DAB1: variants seen among roughly 807,000 people sequenced by gnomAD.
DAB1 encodes disabled homolog 1.
In DAB1, 15 loss-of-function variants were observed where a neutral mutation model predicts 64.6. The observed-to-expected ratio is 0.23, with a 90% CI of 0.16 to 0.36. The LOEUF (loss-of-function observed/expected upper bound fraction) is 0.36, where lower values mean the gene tolerates loss of function less well. Among genes scored for constraint, DAB1 ranks in the 10% least tolerant of loss-of-function variants. DAB1 has a pLI of 1.00. For missense variants in DAB1, 596 were observed against 706.7 expected, an observed-to-expected ratio of 0.84 and a Z score of 1.78; for synonymous variants, 235 against 251.9, an observed-to-expected ratio of 0.93 and a Z score of 0.64.
At chr1:58,370,208 G>C (rs912241879) in intron 3 of DAB1, among the ~76,000 whole-genome samples, 2 of 152,178 alleles carry the variant, frequency 1.3e-5, no homozygotes, top group South Asian at 2.1e-4. Context: ...TAAAAGAATA[G>C]TGTACTGAAT....
chr1:57,509,771 CT>C (rs1644386504), intron 7 of DAB1, among the ~76,000 whole-genome samples: 1 of 152,160 alleles, frequency 6.6e-6, no homozygotes, highest in Non-Finnish European at 1.5e-5. Context: ...TGCTCCCTTG[CT>C]AAGGACTTCA....
chr1:57,267,973 A>C (rs573723679), intron 2 of DAB1, among the ~76,000 whole-genome samples: 38 of 152,320 alleles, frequency 2.5e-4, no homozygotes, highest in African/African-American at 8.7e-4. Context: ...GGGTTTATTA[A>C]ATCATTTATA....
intron 6 of DAB1, among the ~76,000 whole-genome samples, chr1:57,711,732 G>A (rs1647031911): frequency 6.6e-6 from 1 of 152,194 alleles, no homozygotes; most frequent in African/African-American, 2.4e-5. Flanking sequence ...GATGAGTTCA[G>A]TTAAACAGCT....
At chr1:57,414,923 T>C (rs1411230359) in intron 1 of DAB1, among the ~76,000 whole-genome samples, 1 of 152,156 alleles carries the variant, frequency 6.6e-6, no homozygotes, top group Admixed American at 6.5e-5. Context: ...GTCCTAATGA[T>C]GGCATTATCT....
rs141473632 is a variant in DAB1 at position 58,436,675 on chromosome 1, G to C, written n.257+69385C>G. 1.5e-3 allele frequency among the ~76,000 whole-genome samples: 222 copies of C among 152,308 alleles called. 2 individuals are homozygous for C. Among genetic ancestry groups the C allele is most frequent in the African/African-American group, 5.0e-3 (208 of 41,572 alleles). On this transcript the variant is annotated intron_variant and non_coding_transcript_variant, in intron 3 of 20. Transcript: ENST00000485760. Reference sequence around the variant, plus strand: ...CTCAAAAAAGTAGAAATACTAGGAAGATAAGAAAGAAAATAAACAATTAAG... The same window carrying C: ...CTCAAAAAAGTAGAAATACTAGGAACATAAGAAAGAAAATAAACAATTAAG...
At chr1:58,310,397 G>A (rs1662399016) in intron 4 of DAB1, among the ~76,000 whole-genome samples, 1 of 152,156 alleles carries the variant, frequency 6.6e-6, no homozygotes, top group African/African-American at 2.4e-5. Flanking sequence ...AACATTTGTG[G>A]TCCGCAGAGA....
At chr1:57,668,573 T>C (rs1399362017) in intron 6 of DAB1, among the ~76,000 whole-genome samples, 1 of 152,132 alleles carries the variant, frequency 6.6e-6, no homozygotes, top group Non-Finnish European at 1.5e-5. Context: ...GCAGGAAATA[T>C]GGTGGCCAAA....
chr1:57,543,163 A>G (rs1253334176), intron 7 of DAB1, among the ~76,000 whole-genome samples: 2 of 152,210 alleles, frequency 1.3e-5, no homozygotes, highest in Non-Finnish European at 2.9e-5. Flanking sequence ...CGTGTGAAAT[A>G]ATAAAGGATT....
chr1:57,201,818 A>G (rs961547605), intron 2 of DAB1, among the ~76,000 whole-genome samples: 8 of 152,204 alleles, frequency 5.3e-5, no homozygotes, highest in African/African-American at 1.9e-4. Context: ...AGAGCCTAGC[A>G]CAGAGCCTGA....
At chr1:58,114,869 G>A (rs1020381644) in intron 5 of DAB1, among the ~76,000 whole-genome samples, 3 of 152,148 alleles carry the variant, frequency 2.0e-5, no homozygotes, top group Non-Finnish European at 4.4e-5. Context: ...ACTGTGATTG[G>A]ATTATGTCTG....
At chr1:57,769,917 C>T (rs1649483961) in intron 6 of DAB1, among the ~76,000 whole-genome samples, 1 of 152,080 alleles carries the variant, frequency 6.6e-6, no homozygotes, top group Admixed American at 6.6e-5. Flanking sequence ...ATAGCCCTTC[C>T]TCCTGTATAC....
chr1:57,445,841 T>C, intron 7 of DAB1, among the ~76,000 whole-genome samples: 1 of 152,240 alleles, frequency 6.6e-6, no homozygotes. Context: ...GACTTAGGGA[T>C]AACTCCACTT....
intron 1 of DAB1, among the ~76,000 whole-genome samples, chr1:57,412,741 T>C (rs574314809): frequency 1.3e-5 from 2 of 152,260 alleles, no homozygotes; most frequent in South Asian, 2.1e-4. Context: ...TAGAAGACCT[T>C]GGTTCATGAA....
chr1:57,399,188 C>G (rs1390342221), intron 1 of DAB1, among the ~76,000 whole-genome samples: 1 of 152,126 alleles, frequency 6.6e-6, no homozygotes, highest in African/African-American at 2.4e-5. Flanking sequence ...TTAAGAGCAA[C>G]TGGTTTTTAG....
chr1:57,755,243 G>C (rs2101809123), intron 6 of DAB1, among the ~76,000 whole-genome samples: 1 of 152,174 alleles, frequency 6.6e-6, no homozygotes, highest in South Asian at 2.1e-4. Flanking sequence ...ATTTTGATTG[G>C]AGTAGCTTTG....
intron 7 of DAB1, among the ~76,000 whole-genome samples, chr1:57,492,056 T>C (rs1301123981): frequency 1.8e-4 from 28 of 152,190 alleles, no homozygotes; most frequent in Admixed American, 1.8e-3. Flanking sequence ...CTGCAGAGTA[T>C]ATTTATCTCA....
intron 6 of DAB1, among the ~76,000 whole-genome samples, chr1:57,714,373 C>T (rs949314573): frequency 1.1e-4 from 16 of 152,138 alleles, no homozygotes; most frequent in Non-Finnish European, 1.9e-4. Context: ...CTATGATATG[C>T]TTTCTCTTGA....
intron 4 of DAB1, among the ~76,000 whole-genome samples, chr1:58,317,058 A>G (rs138333987): frequency 8.9e-4 from 136 of 152,370 alleles, no homozygotes; most frequent in African/African-American, 3.0e-3. Flanking sequence ...AGCAATAGTT[A>G]GATGCTGCGG....
intron 3 of DAB1, among the ~76,000 whole-genome samples, chr1:57,138,263 C>G (rs770529224): frequency 3.9e-5 from 6 of 152,038 alleles, no homozygotes; most frequent in Non-Finnish European, 8.8e-5. Flanking sequence ...ACTAATAGAT[C>G]CAACTTTCTC....
Sources: gnomAD v4.1 joint callset for allele counts (sites outside exome capture counted in the v4.1 genomes callset) on GRCh38, gnomAD v4.1.1 for gene constraint, MANE v1.5 for transcripts, NCBI Gene and HGNC (gene_info 2026-07-23, HGNC 2026-07-21) for gene names.